TMEM132B: variants seen among roughly 807,000 people sequenced by gnomAD.
The protein encoded by TMEM132B is transmembrane protein 132B.
TMEM132B carries 18 observed loss-of-function variants against 90.8 expected under a neutral mutation model. The ratio of observed to expected loss-of-function variants is 0.20; its 90% CI spans 0.14 to 0.29. TMEM132B has a LOEUF of 0.29. TMEM132B is among the 10% of genes least tolerant of loss of function. The pLI is 1.00. For missense variants in TMEM132B, 1,096 were observed against 1,326.8 expected (o/e 0.83, Z 2.70); for synonymous variants, 504 against 523.3 (o/e 0.96, Z 0.50).
chr12:125,383,939 G>T (rs2136290152), intron 2 of TMEM132B, among the ~76,000 whole-genome samples: 1 of 152,192 alleles, frequency 6.6e-6, no homozygotes, highest in African/African-American at 2.4e-5. Context: ...GAAACTCTCT[G>T]TATTTCTTTC....
intron 2 of TMEM132B, among the ~76,000 whole-genome samples, chr12:125,398,824 A>C (rs1879232571): frequency 6.6e-6 from 1 of 152,218 alleles, no homozygotes. Context: ...TTGAGAGTCC[A>C]GGCATGGCTC....
At chr12:125,218,389 G>A (rs999205932) in intron 1 of TMEM132B, among the ~76,000 whole-genome samples, 49 of 151,984 alleles carry the variant, frequency 3.2e-4, no homozygotes, top group African/African-American at 1.2e-3. Context: ...ATAGATTTTT[G>A]TCTCTTTGTC....
At chr12:125,297,270 G>A (rs574240363) in intron 1 of TMEM132B, among the ~76,000 whole-genome samples, 3 of 152,332 alleles carry the variant, frequency 2.0e-5, no homozygotes, top group Admixed American at 1.3e-4. Flanking sequence ...GCAGGCACAC[G>A]GTGGCACATG....
chr12:125,434,330 C>G (rs891596472), intron 3 of TMEM132B, among the ~76,000 whole-genome samples: 6 of 152,212 alleles, frequency 3.9e-5, no homozygotes, highest in Non-Finnish European at 2.9e-5. Context: ...TCTAACCACA[C>G]CTGCAAAGTC....
intron 3 of TMEM132B, among the ~76,000 whole-genome samples, chr12:125,426,262 TTCAAG>T (rs1200609484): frequency 6.6e-6 from 1 of 152,234 alleles, no homozygotes; most frequent in Non-Finnish European, 1.5e-5. Context: ...CAGGTGTCTG[TTCAAG>T]TCTTTTGCTC....
intron 3 of TMEM132B, among the ~76,000 whole-genome samples, chr12:125,425,980 G>T (rs764468176): frequency 2.0e-5 from 3 of 152,110 alleles, no homozygotes; most frequent in Non-Finnish European, 4.4e-5. Context: ...GCAATTGCTG[G>T]ATCATATGAT....
chr12:125,590,137 C>T (rs1482643710), intron 5 of TMEM132B, among the ~76,000 whole-genome samples: 2 of 152,122 alleles, frequency 1.3e-5, no homozygotes, highest in East Asian at 1.9e-4. Context: ...TTGTAAGCTT[C>T]CTGAGGTCCT....
chr12:125,498,219 G>A lies in TMEM132B; in HGVS notation c.1107-21220G>A, dbSNP rs776071480. The stretch of plus-strand genomic sequence containing the variant: ...ATTTCTATGTCCTGGTCAGAAGGCT[G>A]GGAGGATAATGAGAAGAACAGTAAA... On this transcript the variant is annotated intron_variant, in intron 3 of 8. Coordinates refer to ENST00000682704, the MANE Select transcript of TMEM132B (RefSeq NM_001366854.1). The surrounding 1 kb of genome is among the most constrained non-coding windows in gnomAD (Gnocchi z 4.5). Among the ~76,000 whole-genome samples the A allele has an allele frequency of 3.9e-5, 6 of 152,220 alleles. No homozygotes were observed. The highest frequency in any genetic ancestry group is 7.3e-5 in the Non-Finnish European group (5 of 68,034).
intron 7 of TMEM132B, among the ~76,000 whole-genome samples, chr12:125,651,553 A>C (rs1007158675): frequency 6.6e-6 from 1 of 152,222 alleles, no homozygotes; most frequent in Admixed American, 6.5e-5. Context: ...AGCCAAAGCT[A>C]TATTTTTGGC....
intron 4 of TMEM132B, among the ~76,000 whole-genome samples, chr12:125,562,908 C>T (rs773810390): frequency 1.3e-5 from 2 of 151,994 alleles, no homozygotes; most frequent in Admixed American, 6.6e-5. Context: ...TTATCAGCAG[C>T]GTGATACCAG....
intron 4 of TMEM132B, among the ~76,000 whole-genome samples, chr12:125,528,814 AG>A (rs1458974446): frequency 6.6e-6 from 1 of 152,224 alleles, no homozygotes; most frequent in Non-Finnish European, 1.5e-5. Context: ...GCTATATATC[AG>A]CAGTCTCCAA....
At chr12:125,381,754 G>T (rs1281164491) in intron 2 of TMEM132B, among the ~76,000 whole-genome samples, 1 of 152,202 alleles carries the variant, frequency 6.6e-6, no homozygotes, top group Non-Finnish European at 1.5e-5. Flanking sequence ...ATGTATGTGT[G>T]TTCACGTAAA....
chr12:125,366,439 G>A (rs1446078076), intron 2 of TMEM132B, among the ~76,000 whole-genome samples: 1 of 151,894 alleles, frequency 6.6e-6, no homozygotes, highest in Non-Finnish European at 1.5e-5. Flanking sequence ...TTTTTTTATT[G>A]TCTTTTTGAT....
chr12:125,468,245 A>G (rs1477618511), intron 3 of TMEM132B, among the ~76,000 whole-genome samples: 12 of 151,752 alleles, frequency 7.9e-5, no homozygotes, highest in Non-Finnish European at 1.5e-4. Flanking sequence ...GAAGGTTCCA[A>G]TTTCTCCACA....
At chr12:125,341,950 C>T (rs1877194152) in intron 1 of TMEM132B, among the ~76,000 whole-genome samples, 1 of 152,136 alleles carries the variant, frequency 6.6e-6, no homozygotes, top group Non-Finnish European at 1.5e-5. Context: ...ACCAGTCTTC[C>T]CTTTACCTTC....
chr12:125,562,794 T>G (rs1337270751), intron 4 of TMEM132B, among the ~76,000 whole-genome samples: 2 of 152,184 alleles, frequency 1.3e-5, no homozygotes, highest in African/African-American at 2.4e-5. Context: ...CTTTTCCTGC[T>G]GCCATGTAAG....
chr12:125,483,002 A>G (rs1882090161), intron 3 of TMEM132B, among the ~76,000 whole-genome samples: 1 of 151,226 alleles, frequency 6.6e-6, no homozygotes, highest in African/African-American at 2.4e-5. Flanking sequence ...AGGACAGAAA[A>G]CCAAACACCG....
intron 3 of TMEM132B, among the ~76,000 whole-genome samples, chr12:125,423,810 T>A (rs1281391360): frequency 1.3e-5 from 2 of 152,238 alleles, no homozygotes; most frequent in Non-Finnish European, 2.9e-5. Flanking sequence ...TTTCTGTGCA[T>A]ATTAGACTTG....
At position 125,209,321 on chromosome 12, in the gene TMEM132B, C is replaced by T. The variant is rs1180055156; in HGVS notation, c.67+22455C>T. Among the ~76,000 whole-genome samples the T allele has an allele frequency of 1.3e-5, 2 of 152,184 alleles. No individual in the cohort carries two copies. The highest frequency in any genetic ancestry group is 6.5e-5 in the Admixed American group (1 of 15,284). ...GTGGGGCAGAGGCTCGCGGATGGAC[C>T]GCCCCAGGGGATGGTGCAGTGGGCT... On this transcript the variant is annotated intron_variant, in intron 1 of 8. Transcript: ENST00000682704. This position sits in a 1 kb window ranked among gnomAD's most constrained non-coding sequence, Gnocchi z 4.4.
Sources: allele counts gnomAD v4.1 joint callset (sites outside exome capture counted in the v4.1 genomes callset), GRCh38; gene constraint gnomAD v4.1.1; non-coding constraint Gnocchi (gnomAD v3.1); transcripts MANE v1.5; gene names NCBI Gene and HGNC (gene_info 2026-07-23, HGNC 2026-07-21).